Variants in WIPF1 observed in about 807,000 individuals in gnomAD.
The protein encoded by WIPF1 is WAS/WASL-interacting protein family member 1.
Under a neutral mutation model 35.4 loss-of-function variants are expected in WIPF1, and 13 were observed. The ratio of observed to expected loss-of-function variants is 0.37; its 90% confidence interval spans 0.24 to 0.58. WIPF1 has a LOEUF of 0.58. Among genes scored for constraint, WIPF1 ranks in the 20% least tolerant of loss-of-function variants. The pLI is 0.74. For missense variants in WIPF1, 591 were observed against 667.0 expected (o/e 0.89, Z 1.25); for synonymous variants, 267 against 266.3 (o/e 1.00, Z -0.02).
In WIPF1 at chr2:174,572,386, G is replaced by C; in HGVS notation, c.419C>G (p.Pro140Arg). Residue 140 changes from proline (P) to arginine (R), a missense_variant, in exon 5 of 8, where the codon CCC (proline) becomes CGC (arginine). This residue lies in a region of WIPF1 where 471 missense variants were observed against 501.1 expected (regional missense o/e 0.94). Coordinates refer to ENST00000679041, the MANE Select transcript of WIPF1 (RefSeq NM_001375834.1). The part of the protein sequence containing the change: ...PPGGRSTSAK[P>R]FSPPSGPGRF... Reference sequence around the variant, plus strand: ...CCCTGGGCCACTTGGGGGTGAAAAGGGTTTCGCAGATGTGGATCTTCCTCC... The same window carrying C: ...CCCTGGGCCACTTGGGGGTGAAAAGCGTTTCGCAGATGTGGATCTTCCTCC... 3 of 1,614,138 alleles carry C rather than the reference G, an allele frequency of 1.9e-6. No homozygotes were observed. Among genetic ancestry groups the C allele is most frequent in the Non-Finnish European group, 2.5e-6 (3 of 1,180,018 alleles).
intron 1 of WIPF1, among the ~76,000 whole-genome samples, chr2:174,587,983 G>C (rs933181107): frequency 6.6e-6 from 1 of 152,164 alleles, no homozygotes; most frequent in Non-Finnish European, 1.5e-5. Context: ...ACATCAATTA[G>C]TCACCCATAG....
In WIPF1 at chr2:174,560,009, T is replaced by G. The variant is rs1029756245; in HGVS notation, c.*2538A>C. The stretch of plus-strand genomic sequence containing the variant: ...GAAATAAATACTGAACACTGAGTTT[T>G]AATACTGTAATACATTTCAATATAA... On this transcript the variant is annotated 3_prime_UTR_variant, in exon 8 of 8. Transcript: ENST00000679041. 1 of 152,654 alleles carries G rather than the reference T, an allele frequency of 6.6e-6. No individual in the cohort carries two copies. Among genetic ancestry groups the G allele is most frequent in the African/African-American group, 2.4e-5 (1 of 41,470 alleles). The allele number at this position is 152,654 out of a possible 1,614,324, so 9.5% of individuals were successfully genotyped here. A position where few individuals can be genotyped will look rare whatever the true frequency, so the allele number is the denominator to read the frequency against.
intron 1 of WIPF1, among the ~76,000 whole-genome samples, chr2:174,636,134 A>G (rs1322125271): frequency 6.6e-6 from 1 of 152,232 alleles, no homozygotes; most frequent in African/African-American, 2.4e-5. Flanking sequence ...TGGAAAAACA[A>G]AATACTACAT....
In WIPF1 at chr2:174,567,986, C is replaced by T. The variant is rs905539978; in HGVS notation, c.1217G>A (p.Gly406Glu). Residue 406 changes from glycine to glutamate, a missense_variant, in exon 6 of 8, where the codon GGA becomes GAA. Gly to Glu is a moderately conservative substitution (Grantham distance 98). This residue lies in a region of WIPF1 where 117 missense variants were observed against 149.6 expected (regional missense o/e 0.78). Transcript: ENST00000679041. ...PATPQLPSRSGVDSPRSGPRP... is the reference protein window; with the variant it reads ...PATPQLPSRSEVDSPRSGPRP... ...GGGTCCACTCCTGGGACTGTCTACT[C>T]CACTCCTGGATGGCAACTGAGGGGT... The T allele has an allele frequency of 1.2e-6, 2 of 1,614,072 alleles. No individual in the cohort carries two copies. The highest frequency in any genetic ancestry group is 1.1e-5 in the South Asian group (1 of 91,068).
chr2:174,616,435 C>T (rs192259106), intron 1 of WIPF1, among the ~76,000 whole-genome samples: 1 of 152,262 alleles, frequency 6.6e-6, no homozygotes, highest in East Asian at 1.9e-4. Flanking sequence ...CCTGAAGCCA[C>T]TACTAGATCA....
intron 1 of WIPF1, among the ~76,000 whole-genome samples, chr2:174,682,527 C>T (rs1186108519): frequency 6.6e-6 from 1 of 152,084 alleles, no homozygotes; most frequent in Non-Finnish European, 1.5e-5. Flanking sequence ...GCCCCTTCCT[C>T]CCCGGGCCAT....
At chr2:174,618,690 T>A (rs1686587373) in intron 1 of WIPF1, among the ~76,000 whole-genome samples, 1 of 152,082 alleles carries the variant, frequency 6.6e-6, no homozygotes, top group South Asian at 2.1e-4. Flanking sequence ...AACAGACAAG[T>A]TAAGTTATTT....
intron 1 of WIPF1, among the ~76,000 whole-genome samples, chr2:174,607,837 A>G (rs1329248023): frequency 1.3e-5 from 2 of 152,204 alleles, no homozygotes; most frequent in Non-Finnish European, 2.9e-5. Flanking sequence ...ACAACTTAGA[A>G]CAGTATCTGG....
intron 1 of WIPF1, among the ~76,000 whole-genome samples, chr2:174,617,209 C>G (rs1168932913): frequency 6.6e-6 from 1 of 152,144 alleles, no homozygotes; most frequent in Non-Finnish European, 1.5e-5. Context: ...TCAGTCCAAG[C>G]TCTGCAGTTT....
chr2:174,600,954 G>T (rs886838135), upstream of WIPF1, among the ~76,000 whole-genome samples: 7 of 111,594 alleles, frequency 6.3e-5, no homozygotes, highest in Admixed American at 9.3e-4. Flanking sequence ...AGACAGAGTC[G>T]TACTCTGTCA....
intron 1 of WIPF1, among the ~76,000 whole-genome samples, chr2:174,666,774 G>A (rs968753955): frequency 2.0e-5 from 3 of 152,256 alleles, no homozygotes; most frequent in Non-Finnish European, 4.4e-5. Context: ...CAGAATGCTC[G>A]GTGGTGGGAT....
chr2:174,623,117 C>T (rs545475689), intron 1 of WIPF1, among the ~76,000 whole-genome samples: 249 of 152,098 alleles, frequency 1.6e-3, no homozygotes, highest in African/African-American at 5.9e-3. Flanking sequence ...CTAATAATTA[C>T]TATAATTTCA....
chr2:174,661,055 G>C (rs1378535608), intron 1 of WIPF1, among the ~76,000 whole-genome samples: 1 of 152,208 alleles, frequency 6.6e-6, no homozygotes, highest in African/African-American at 2.4e-5. Flanking sequence ...CTGCAGTCCG[G>C]CTCACAGCAG....
intron 1 of WIPF1, among the ~76,000 whole-genome samples, chr2:174,645,134 T>C (rs1687379617): frequency 6.6e-6 from 1 of 152,194 alleles, no homozygotes; most frequent in Admixed American, 6.5e-5. Flanking sequence ...TGTGGTAAAA[T>C]ACCTTAAAAG....
intron 1 of WIPF1, among the ~76,000 whole-genome samples, chr2:174,663,487 C>T (rs1267520237): frequency 1.3e-5 from 2 of 152,018 alleles, no homozygotes; most frequent in Non-Finnish European, 2.9e-5. Context: ...CCCCGCCGCC[C>T]CCTGCAAGTT....
intron 1 of WIPF1, among the ~76,000 whole-genome samples, chr2:174,627,331 A>C (rs189803731): frequency 6.6e-6 from 1 of 152,334 alleles, no homozygotes; most frequent in Admixed American, 6.5e-5. Context: ...GGAAAATGCC[A>C]AACAAGAAAA....
intron 1 of WIPF1, among the ~76,000 whole-genome samples, chr2:174,625,245 T>C (rs145089707): frequency 7.9e-5 from 12 of 152,326 alleles, no homozygotes; most frequent in Admixed American, 1.3e-4. Flanking sequence ...GCCTCACCAC[T>C]GTACAGGATA....
intron 1 of WIPF1, among the ~76,000 whole-genome samples, chr2:174,628,216 G>C (rs1292927130): frequency 6.6e-6 from 1 of 152,118 alleles, no homozygotes; most frequent in Non-Finnish European, 1.5e-5. Context: ...TGAGCTAATG[G>C]TACCCAGGAA....
chr2:174,639,591 T>A (rs1387511420), intron 1 of WIPF1, among the ~76,000 whole-genome samples: 1 of 152,198 alleles, frequency 6.6e-6, no homozygotes, highest in East Asian at 1.9e-4. Context: ...TGCTATTAGT[T>A]CCTTATATAG....
Sources: gnomAD v4.1 joint callset for allele counts (sites outside exome capture counted in the v4.1 genomes callset) on GRCh38, gnomAD v4.1.1 for gene constraint, gnomAD v4.1.1 regional missense constraint, MANE v1.5 for transcripts, NCBI Gene and HGNC (gene_info 2026-07-23, HGNC 2026-07-21) for gene names.